Variants in UNC13C observed in about 807,000 individuals in gnomAD.
UNC13C encodes the protein protein unc-13 homolog C.
UNC13C carries 174 observed loss-of-function variants against 245.4 expected under a neutral mutation model. The observed-to-expected ratio is 0.71, with a 90% CI of 0.63 to 0.80. UNC13C has a LOEUF of 0.80. UNC13C is among the 30% of genes least tolerant of loss of function. The pLI, the probability that UNC13C is intolerant of heterozygous loss-of-function variation, is 0.00. For missense variants in UNC13C, 2,829 were observed against 2,602.9 expected (o/e 1.09, Z -1.89); for synonymous variants, 992 against 895.1 (o/e 1.11, Z -1.93).
At chr15:54,240,044 A>G (rs893217028) in intron 7 of UNC13C, among the ~76,000 whole-genome samples, 6 of 152,196 alleles carry the variant, frequency 3.9e-5, no homozygotes, top group Admixed American at 6.5e-5. Flanking sequence ...ATGCTAGTGT[A>G]TTTTCTGAGT....
intron 19 of UNC13C, among the ~76,000 whole-genome samples, chr15:54,450,026 G>C (rs559359561): frequency 9.8e-5 from 15 of 152,304 alleles, no homozygotes; most frequent in Non-Finnish European, 2.1e-4. Flanking sequence ...GTTGGAGTTT[G>C]CTGGAGGTCC....
chr15:54,365,927 G>A lies in UNC13C; in HGVS notation c.4714-27121G>A, dbSNP rs564457969. On this transcript the variant is annotated intron_variant, in intron 17 of 32. Coordinates refer to ENST00000260323, the MANE Select transcript of UNC13C (RefSeq NM_001080534.3). ...TTTTATAAGGGAAGGAAAATATATCGTTTTCAATTCTCCATCTTGAAGACC... is the reference window on the plus strand; with the variant it reads ...TTTTATAAGGGAAGGAAAATATATCATTTTCAATTCTCCATCTTGAAGACC... 9.9e-5 allele frequency among the ~76,000 whole-genome samples: 15 copies of A among 152,162 alleles called. 1 individual carries two copies. The South Asian group carries it at 2.9e-3, about 30-fold the overall frequency.
At chr15:54,076,355 G>A (rs1356274183) in intron 2 of UNC13C, among the ~76,000 whole-genome samples, 5 of 146,734 alleles carry the variant, frequency 3.4e-5, no homozygotes, top group East Asian at 2.0e-4. Flanking sequence ...GAGAATATGC[G>A]GTGTTTGGTT....
the UNC13C span, among the ~76,000 whole-genome samples, chr15:53,968,356 C>A: frequency 1.3e-5 from 2 of 152,080 alleles, no homozygotes; most frequent in African/African-American, 4.8e-5. Context: ...GGCAGGGGAC[C>A]TGGCTATTGG....
chr15:54,002,648 C>A (rs1274982007), intron 1 of UNC13C, among the ~76,000 whole-genome samples: 2 of 152,178 alleles, frequency 1.3e-5, no homozygotes, highest in Non-Finnish European at 2.9e-5. Context: ...CAATGGCCTT[C>A]CTTTATACAG....
rs772816747 is a variant in UNC13C, at chr15:54,627,097, C to A, written c.6629C>A (p.Thr2210Asn). Residue 2210 changes from threonine to asparagine, a missense_variant, in exon 33 of 33, where the codon ACT becomes AAT. Thr to Asn is a moderately conservative substitution (Grantham distance 65, BLOSUM62 0). Coordinates refer to ENST00000260323, the MANE Select transcript of UNC13C (RefSeq NM_001080534.3). ...AGACTTAAATCTGAAACAAGATCTA[C>A]TGAAGAGAGTGCTTGAAACAAACAC... ...FVRLKSETRS[T>N]EESA The A allele has an allele frequency of 6.2e-7, 1 of 1,610,274 alleles. No individual in the cohort carries two copies. The highest frequency in any genetic ancestry group is 8.5e-7 in the Non-Finnish European group (1 of 1,177,732).
chr15:54,595,456 T>C (rs574217964), intron 30 of UNC13C, among the ~76,000 whole-genome samples: 133 of 152,232 alleles, frequency 8.7e-4, no homozygotes, highest in African/African-American at 3.1e-3. Context: ...GCCGCCTTCC[T>C]TCAGGGGGTC....
rs1386041162 is a variant in UNC13C, at chr15:54,250,109, G to T, written c.3229-116G>T. On this transcript the variant is annotated intron_variant, in intron 7 of 32. Transcript: ENST00000260323. ...CATCATGACTTGAATCAGTGATCCA[G>T]GGGCTCTCTCAAAATACCATTTTCA... 5 of 910,474 alleles carry T rather than the reference G, an allele frequency of 5.5e-6. No individual in the cohort carries two copies. In the African/African-American group the frequency reaches 8.2e-5, roughly 15 times the overall value. The allele number at this position is 910,474 out of a possible 1,614,324, so 56.4% of individuals were successfully genotyped here.
At chr15:54,269,423 A>G (rs1181416135) in intron 10 of UNC13C, among the ~76,000 whole-genome samples, 1 of 152,190 alleles carries the variant, frequency 6.6e-6, no homozygotes, top group Non-Finnish European at 1.5e-5. Context: ...GAGAGCCAAC[A>G]TAGGGCATGT....
intron 4 of UNC13C, among the ~76,000 whole-genome samples, chr15:54,159,257 T>G (rs1043133550): frequency 3.9e-5 from 6 of 152,254 alleles, no homozygotes; most frequent in Non-Finnish European, 8.8e-5. Flanking sequence ...GAAGTTTCAC[T>G]AGCATTCAAA....
intron 11 of UNC13C, among the ~76,000 whole-genome samples, chr15:54,294,564 G>A (rs1437298939): frequency 6.6e-6 from 1 of 152,098 alleles, no homozygotes; most frequent in East Asian, 1.9e-4. Flanking sequence ...AAGATACTGA[G>A]AAGGTGATTA....
intron 19 of UNC13C, among the ~76,000 whole-genome samples, chr15:54,451,924 C>T (rs1891200479): frequency 6.6e-6 from 1 of 152,126 alleles, no homozygotes; most frequent in Non-Finnish European, 1.5e-5. Flanking sequence ...TAGGGAAGGA[C>T]TTCATACTGA....
chr15:54,008,326 A>G (rs1011190411), intron 1 of UNC13C, among the ~76,000 whole-genome samples: 6 of 152,342 alleles, frequency 3.9e-5, no homozygotes, highest in African/African-American at 1.4e-4. Flanking sequence ...AGCTTGAGTC[A>G]CTTTATCTGG....
At chr15:54,550,919 C>A (rs28539108) in intron 28 of UNC13C, among the ~76,000 whole-genome samples, 7,899 of 152,182 alleles carry the variant, frequency 0.052, 684 homozygotes, top group African/African-American at 0.18. Flanking sequence ...AAGAAATGGC[C>A]CTGGCCATGC....
intron 17 of UNC13C, among the ~76,000 whole-genome samples, chr15:54,380,228 C>G (rs962165819): frequency 6.6e-6 from 1 of 151,716 alleles, no homozygotes; most frequent in African/African-American, 2.4e-5. Context: ...CATACATGAG[C>G]GTGATTTTTG....
chr15:53,915,304 C>A, the UNC13C span, among the ~76,000 whole-genome samples: 3 of 152,130 alleles, frequency 2.0e-5, no homozygotes, highest in Non-Finnish European at 4.4e-5. Flanking sequence ...CAGCTTCCAA[C>A]ACTTTGGAAT....
At chr15:54,552,576 T>G (rs1164097561) in intron 28 of UNC13C, among the ~76,000 whole-genome samples, 3 of 20,552 alleles carry the variant, frequency 1.5e-4, no homozygotes, top group African/African-American at 5.3e-4. Flanking sequence ...TTATATATAA[T>G]TATATTATAT....
chr15:54,361,108 A>G (rs2039220344), intron 17 of UNC13C, among the ~76,000 whole-genome samples: 1 of 152,058 alleles, frequency 6.6e-6, no homozygotes, highest in Non-Finnish European at 1.5e-5. Context: ...GTGAAACTTA[A>G]TTCACTTGAT....
At chr15:54,352,490 G>A (rs75517394) in intron 17 of UNC13C, among the ~76,000 whole-genome samples, 1,525 of 151,650 alleles carry the variant, frequency 0.01, 23 homozygotes, top group African/African-American at 0.035. Context: ...GTGCTGATTA[G>A]ACATAGTCTC....
Sources: gnomAD v4.1 joint callset for allele counts (sites outside exome capture counted in the v4.1 genomes callset) on GRCh38, gnomAD v4.1.1 for gene constraint, MANE v1.5 for transcripts, NCBI Gene and HGNC (gene_info 2026-07-23, HGNC 2026-07-21) for gene names.